The following WDFY3 variants were observed in gnomAD, a reference collection of about 807,000 sequenced individuals.
The protein encoded by WDFY3 is WD repeat and FYVE domain containing 3, also known as WD repeat and FYVE domain-containing protein 3.
WDFY3 carries 66 observed loss-of-function variants against 409.6 expected under a neutral mutation model. That is an observed-to-expected ratio of 0.16 (90% CI 0.13 to 0.20). The LOEUF (loss-of-function observed/expected upper bound fraction) is 0.20, where lower values mean the gene tolerates loss of function less well. WDFY3 is among the 10% of genes least tolerant of loss of function. WDFY3 has a pLI of 1.00. For missense variants in WDFY3, 3,031 were observed against 4,298.1 expected (o/e 0.71, Z 8.24); for synonymous variants, 1,521 against 1,537.1 (o/e 0.99, Z 0.25).
At chr4:84,725,238 T>C (rs1236829385) in intron 45 of WDFY3, among the ~76,000 whole-genome samples, 1 of 152,232 alleles carries the variant, frequency 6.6e-6, no homozygotes, top group African/African-American at 2.4e-5. Context: ...ATCTCCAATT[T>C]GCTCATTCTC....
intron 11 of WDFY3, 62 bp from the exon 12 acceptor site, chr4:84,820,248 T>C: frequency 7.7e-7 from 1 of 1,304,344 alleles, no homozygotes; most frequent in Non-Finnish European, 1.1e-6. Flanking sequence ...CTTGATTCCG[T>C]TTTACTGTAA....
Position 84,789,972 on chromosome 4 carries a change from T to C in WDFY3, c.3488-65A>G, listed in dbSNP as rs184077409. 4.3e-4 allele frequency: 651 copies of C among 1,508,912 alleles called. 3 individuals are homozygous for C. The African/African-American group carries it at 8.2e-3, about 19-fold the overall frequency. 93.5% of individuals were successfully genotyped at this position (1,508,912 alleles called of 1,614,324 possible). A position where few individuals can be genotyped will look rare whatever the true frequency, so the allele number is the denominator to read the frequency against. ...ACCATCCCTATTCAAATTATTCATA[T>C]CTAGATCAGCATGTTTTGACTTTAT... On this transcript the variant is annotated intron_variant, in intron 21 of 67. Transcript: ENST00000295888.
At chr4:84,783,203 G>A (rs553880596) in intron 24 of WDFY3, 129 bp from the exon 25 acceptor site, 26 of 825,696 alleles carry the variant, frequency 3.1e-5, no homozygotes, top group South Asian at 1.6e-4. Flanking sequence ...ACTGAAAAAC[G>A]AGCATTTAGG....
At chr4:84,795,816 C>T (rs1749336940) in intron 19 of WDFY3, among the ~76,000 whole-genome samples, 1 of 151,370 alleles carries the variant, frequency 6.6e-6, no homozygotes, top group Admixed American at 6.6e-5. Flanking sequence ...GCTACCAGAT[C>T]TATTAGCATT....
chr4:84,813,900 A>G (rs553069465), intron 13 of WDFY3, among the ~76,000 whole-genome samples: 6 of 152,214 alleles, frequency 3.9e-5, no homozygotes, highest in Non-Finnish European at 5.9e-5. Context: ...TCTAACAGAT[A>G]AATTGCGGTG....
intron 9 of WDFY3, 56 bp downstream of exon 9, chr4:84,828,948 T>C: frequency 6.8e-7 from 1 of 1,462,452 alleles, no homozygotes; most frequent in Non-Finnish European, 9.1e-7. Flanking sequence ...TTGTTTTCTT[T>C]GATAAAAAAG....
intron 5 of WDFY3, chr4:84,844,656 G>A: frequency 4.4e-6 from 2 of 450,874 alleles, no homozygotes; most frequent in South Asian, 4.3e-5. Context: ...AGGTTTAACA[G>A]TGGCACCTAG....
intron 32 of WDFY3, among the ~76,000 whole-genome samples, chr4:84,764,111 T>C (rs1418202687): frequency 2.0e-5 from 3 of 152,198 alleles, no homozygotes; most frequent in Non-Finnish European, 2.9e-5. Context: ...TGAGATGATA[T>C]ATGTGAACTA....
intron 46 of WDFY3, among the ~76,000 whole-genome samples, chr4:84,721,980 G>A (rs530304183): frequency 6.6e-6 from 1 of 152,304 alleles, no homozygotes; most frequent in African/African-American, 2.4e-5. Flanking sequence ...GTCAGGTAAT[G>A]ATGATAACAG....
intron 2 of WDFY3, among the ~76,000 whole-genome samples, chr4:84,915,957 A>G (rs148338982): frequency 3.3e-4 from 50 of 152,340 alleles, no homozygotes; most frequent in Non-Finnish European, 6.8e-4. Flanking sequence ...CTAATGAAGA[A>G]CCTGTTTCAT....
intron 1 of WDFY3, among the ~76,000 whole-genome samples, chr4:84,959,213 G>A (rs574475806): frequency 6.6e-6 from 1 of 151,892 alleles, no homozygotes; most frequent in Non-Finnish European, 1.5e-5. Flanking sequence ...CTGGAGCCAG[G>A]TTACAAAGAG....
intron 27 of WDFY3, among the ~76,000 whole-genome samples, chr4:84,777,292 C>T (rs1459625091): frequency 6.6e-6 from 1 of 151,636 alleles, no homozygotes; most frequent in Non-Finnish European, 1.5e-5. Context: ...AGAGATGAGA[C>T]CGTCAGCCTA....
At chr4:84,869,453 G>C (rs898099516) in intron 3 of WDFY3, among the ~76,000 whole-genome samples, 3 of 151,830 alleles carry the variant, frequency 2.0e-5, no homozygotes, top group Non-Finnish European at 4.4e-5. Context: ...TCTAATTTTG[G>C]GTTGCTGGGT....
Position 84,709,299 on chromosome 4 carries a change from T to C in WDFY3, c.8091A>G (p.Arg2697=). The change falls in exon 52 of 68, where the codon AGA becomes AGG. Residue 2697 remains arginine, a synonymous_variant. Coordinates refer to ENST00000295888, the MANE Select transcript of WDFY3 (RefSeq NM_014991.6). ...TLVGEKSVTQ[R]WERGEISNFQ... ...ATATATTCATTAAACTTACCTCCCATCTCTGAGTCACAGACTTCTCTCCAA... is the reference window on the plus strand; with the variant it reads ...ATATATTCATTAAACTTACCTCCCACCTCTGAGTCACAGACTTCTCTCCAA... The C allele has an allele frequency of 2.5e-6, 4 of 1,611,616 alleles. No homozygotes were observed. Among genetic ancestry groups the C allele is most frequent in the Non-Finnish European group, 3.4e-6 (4 of 1,179,242 alleles).
At chr4:84,722,023 G>C (rs1021163694) in intron 46 of WDFY3, among the ~76,000 whole-genome samples, 2 of 152,198 alleles carry the variant, frequency 1.3e-5, no homozygotes, top group Non-Finnish European at 2.9e-5. Flanking sequence ...TATAGCTTAG[G>C]TAGGTGTCAT....
At position 84,791,575 on chromosome 4, in the gene WDFY3, T is replaced by C. The variant is rs548986130; in HGVS notation, c.3488-1668A>G. ...TGTTAACTTTTTGACATTGATTTGG[T>C]TACAGTATGGGTTAGAAAAAGAACC... On this transcript the variant is annotated intron_variant, in intron 21 of 67. Coordinates refer to ENST00000295888, the MANE Select transcript of WDFY3 (RefSeq NM_014991.6). Among the ~76,000 whole-genome samples, 10 of 152,064 alleles carry C rather than the reference T, an allele frequency of 6.6e-5. No homozygotes were observed. The South Asian group carries it at 2.1e-3, about 32-fold the overall frequency.
chr4:84,731,744 C>T (rs948040058), intron 44 of WDFY3, among the ~76,000 whole-genome samples: 1 of 152,142 alleles, frequency 6.6e-6, no homozygotes, highest in Non-Finnish European at 1.5e-5. Context: ...AGTTTAAATA[C>T]ACTTTTGTAA....
At chr4:84,690,465 T>C in intron 61 of WDFY3, 41 bp downstream of exon 61, 1 of 1,613,542 alleles carries the variant, frequency 6.2e-7, no homozygotes, top group Non-Finnish European at 8.5e-7. Flanking sequence ...GCACAGGAGA[T>C]GGACTATGTC....
intron 3 of WDFY3, chr4:84,886,236 G>C (rs1302745293): frequency 6.6e-6 from 1 of 151,880 alleles, no homozygotes; most frequent in Non-Finnish European, 1.5e-5. Context: ...CAATACTTCT[G>C]AATTTAGTTC....
Sources: gnomAD v4.1 joint callset for allele counts (sites outside exome capture counted in the v4.1 genomes callset) on GRCh38, gnomAD v4.1.1 for gene constraint, MANE v1.5 for transcripts, NCBI Gene and HGNC (gene_info 2026-07-23, HGNC 2026-07-21) for gene names.